BAZ2B: variants seen among roughly 807,000 people sequenced by gnomAD.
The protein encoded by BAZ2B is bromodomain adjacent to zinc finger domain protein 2B.
BAZ2B carries 91 observed loss-of-function variants against 246.0 expected under a neutral mutation model. That is an observed-to-expected ratio of 0.37 (90% CI 0.31 to 0.44). BAZ2B has a LOEUF of 0.44. Among genes scored for constraint, BAZ2B ranks in the 20% least tolerant of loss-of-function variants. The probability of loss-of-function intolerance (pLI) is 1.00; values close to 1 mark genes in which losing one functional copy is unlikely to be tolerated. For synonymous variants in BAZ2B, 855 were observed against 860.0 expected, an observed-to-expected ratio of 0.99 and a Z score of 0.10; for missense variants, 2,332 against 2,533.7, an observed-to-expected ratio of 0.92 and a Z score of 1.71.
the BAZ2B span, among the ~76,000 whole-genome samples, chr2:159,704,856 C>G: frequency 4.7e-4 from 71 of 152,058 alleles, 1 homozygote; most frequent in African/African-American, 1.6e-3. Flanking sequence ...GTGCCCACCA[C>G]CACGCCCGGC....
At chr2:159,440,351 T>C (rs1009982765) in intron 6 of BAZ2B, among the ~76,000 whole-genome samples, 1 of 152,160 alleles carries the variant, frequency 6.6e-6, no homozygotes, top group African/African-American at 2.4e-5. Flanking sequence ...GATTGGGGAA[T>C]GAAATACAGT....
Position 159,519,236 on chromosome 2 carries a change from T to TA in BAZ2B, c.-3+36586_-3+36587insT, listed in dbSNP as rs1553692831. Among the ~76,000 whole-genome samples the TA allele has an allele frequency of 3.0e-3, 210 of 70,610 alleles. 3 individuals are homozygous for TA. Among genetic ancestry groups the TA allele is most frequent in the Non-Finnish European group, 3.6e-3 (130 of 35,884 alleles). 46.3% of individuals were successfully genotyped at this position (70,610 alleles called of 152,430 possible). On this transcript the variant is annotated intron_variant, in intron 2 of 36. Coordinates refer to ENST00000392783, the MANE Select transcript of BAZ2B (RefSeq NM_013450.4). ...TTTTTTTTTTTTTTTTTTTTTTTTT[T>TA]TTTTGAGACGGAGTCTCGCTCTGTC...
chr2:159,448,054 G>A (rs2074507099), intron 5 of BAZ2B, among the ~76,000 whole-genome samples, 188 bp downstream of exon 5: 1 of 152,042 alleles, frequency 6.6e-6, no homozygotes, highest in Non-Finnish European at 1.5e-5. Context: ...AGCCCAGGAG[G>A]ACGAGGCTAC....
In BAZ2B at chr2:159,529,311, T is replaced by TA. The variant is rs1298431951; in HGVS notation, c.-3+26511dup. On this transcript the variant is annotated intron_variant, in intron 2 of 36. Coordinates refer to ENST00000392783, the MANE Select transcript of BAZ2B (RefSeq NM_013450.4). ...TTTGGTTAAGCTTCAATCTTCTCTT[T>TA]AAAAAAAAAAAAAGACATATGCTTA... Among the ~76,000 whole-genome samples the TA allele has an allele frequency of 2.5e-3, 360 of 143,062 alleles. 1 individual carries two copies. The highest frequency in any genetic ancestry group is 3.6e-3 in the Admixed American group (52 of 14,306). 93.9% of individuals were successfully genotyped at this position (143,062 alleles called of 152,430 possible).
intron 2 of BAZ2B, among the ~76,000 whole-genome samples, chr2:159,544,379 T>C (rs944574925): frequency 1.3e-5 from 2 of 152,184 alleles, no homozygotes; most frequent in African/African-American, 4.8e-5. Context: ...AGAGAATCAA[T>C]AGGATTTGAT....
chr2:159,640,361 T>C, the BAZ2B span, among the ~76,000 whole-genome samples: 2 of 152,144 alleles, frequency 1.3e-5, no homozygotes, highest in South Asian at 4.1e-4. Flanking sequence ...CTCATAGCTA[T>C]TTACAGAACA....
chr2:159,349,315 A>G, intron 28 of BAZ2B, 35 bp from the exon 29 acceptor site: 2 of 1,543,626 alleles, frequency 1.3e-6, no homozygotes, highest in Non-Finnish European at 1.7e-6. Flanking sequence ...TGAAAAGTAG[A>G]TTACTCTAAG....
rs377303130 is a variant in BAZ2B, at chr2:159,414,679, C to T, written c.2467-2134G>A. Among the ~76,000 whole-genome samples the T allele has an allele frequency of 7.9e-5, 12 of 151,668 alleles. No individual in the cohort carries two copies. In the East Asian group the frequency reaches 9.8e-4, roughly 12 times the overall value. ...TAAAAACACAAAAATTAGCTGGGCA[C>T]GGTGGCGGGTGCCTGTAGTGCTAGC... On this transcript the variant is annotated intron_variant, in intron 13 of 36. Transcript: ENST00000392783.
the BAZ2B span, among the ~76,000 whole-genome samples, chr2:159,667,324 G>T: frequency 6.6e-6 from 1 of 151,864 alleles, no homozygotes; most frequent in African/African-American, 2.4e-5. Context: ...AGCCAGACAT[G>T]GTGGCTAACA....
intron 3 of BAZ2B, chr2:159,462,585 T>A: frequency 1.1e-6 from 1 of 872,334 alleles, no homozygotes; most frequent in Non-Finnish European, 2.0e-6. Context: ...TCCTTGGCAG[T>A]TTGTGCGTCA....
At chr2:159,629,407 A>G in the BAZ2B span, among the ~76,000 whole-genome samples, 1 of 152,202 alleles carries the variant, frequency 6.6e-6, no homozygotes, top group Non-Finnish European at 1.5e-5. Flanking sequence ...CACAATAGCA[A>G]AGACTTGGAA....
At chr2:159,564,552 TG>T (rs2090177215) in intron 1 of BAZ2B, among the ~76,000 whole-genome samples, 1 of 152,076 alleles carries the variant, frequency 6.6e-6, no homozygotes, top group Admixed American at 6.5e-5. Context: ...ATATTGGTGG[TG>T]AAAAAAGTGA....
chr2:159,604,124 A>C (rs1332279896), intron 1 of BAZ2B, among the ~76,000 whole-genome samples: 1 of 152,248 alleles, frequency 6.6e-6, no homozygotes, highest in African/African-American at 2.4e-5. Flanking sequence ...AACTGTAAGA[A>C]GGAATAAGTA....
At chr2:159,455,510 T>C (rs1559485617) in intron 3 of BAZ2B, among the ~76,000 whole-genome samples, 1 of 152,154 alleles carries the variant, frequency 6.6e-6, no homozygotes, top group East Asian at 1.9e-4. Context: ...ACAGGGAAGA[T>C]CCTCAAAGTA....
At chr2:159,580,924 G>A (rs962928307) in intron 1 of BAZ2B, among the ~76,000 whole-genome samples, 5 of 152,140 alleles carry the variant, frequency 3.3e-5, no homozygotes, top group African/African-American at 1.2e-4. Flanking sequence ...ATTCAAGATG[G>A]ATTAAAGACT....
intron 1 of BAZ2B, among the ~76,000 whole-genome samples, chr2:159,592,573 A>G (rs1578728641): frequency 6.6e-6 from 1 of 152,058 alleles, no homozygotes; most frequent in Non-Finnish European, 1.5e-5. Flanking sequence ...CTCTCTCTCA[A>G]CTCTCACCCA....
chr2:159,449,209 A>G (rs1206972172), intron 4 of BAZ2B, among the ~76,000 whole-genome samples: 1 of 152,170 alleles, frequency 6.6e-6, no homozygotes, highest in Non-Finnish European at 1.5e-5. Context: ...AGAAAAGGAA[A>G]TAAGCCAAAT....
chr2:159,483,249 G>A (rs1465465010), intron 2 of BAZ2B, among the ~76,000 whole-genome samples: 1 of 152,106 alleles, frequency 6.6e-6, no homozygotes, highest in African/African-American at 2.4e-5. Context: ...CCAGGCTGGA[G>A]TGCAGTGTTG....
At chr2:159,682,452 C>T in the BAZ2B span, among the ~76,000 whole-genome samples, 37 of 152,280 alleles carry the variant, frequency 2.4e-4, no homozygotes, top group African/African-American at 8.9e-4. Flanking sequence ...GTGCTGATTA[C>T]AGGTGTGAGC....
Sources: allele counts gnomAD v4.1 joint callset (sites outside exome capture counted in the v4.1 genomes callset), GRCh38; gene constraint gnomAD v4.1.1; transcripts MANE v1.5; gene names NCBI Gene and HGNC (gene_info 2026-07-23, HGNC 2026-07-21).